Variants in CYP19A1 observed in about 807,000 individuals in gnomAD.
The protein encoded by CYP19A1 is aromatase.
In CYP19A1, 32 loss-of-function variants were observed where a neutral mutation model predicts 44.4. That is an observed-to-expected ratio of 0.72 (90% CI 0.54 to 0.97). The LOEUF (loss-of-function observed/expected upper bound fraction) is 0.97, where lower values mean the gene tolerates loss of function less well. Among genes scored for constraint, CYP19A1 ranks in the 50% least tolerant of loss-of-function variants. CYP19A1 has a pLI of 0.00. For missense variants in CYP19A1, 598 were observed against 637.8 expected (o/e 0.94, Z 0.67); for synonymous variants, 212 against 215.6 (o/e 0.98, Z 0.14).
chr15:51,261,843 G>GAAGCAGTAGTCTTC (rs1461461316), intron 1 of CYP19A1, among the ~76,000 whole-genome samples: 1 of 152,146 alleles, frequency 6.6e-6, no homozygotes, highest in Non-Finnish European at 1.5e-5. Context: ...GCCGATGGGT[G>GAAGCAGTAGTCTTC]AAGCAGTAGA....
At chr15:51,270,575 T>G (rs1341562846) in intron 1 of CYP19A1, among the ~76,000 whole-genome samples, 1 of 152,200 alleles carries the variant, frequency 6.6e-6, no homozygotes, top group Non-Finnish European at 1.5e-5. Flanking sequence ...ACCTCCCCCA[T>G]ATTTTATAGG....
chr15:51,329,895 T>A (rs2036673213), intron 1 of CYP19A1, among the ~76,000 whole-genome samples: 1 of 152,190 alleles, frequency 6.6e-6, no homozygotes, highest in African/African-American at 2.4e-5. Context: ...AATGACCAGA[T>A]ATACACCAGG....
At chr15:51,211,595 C>T (rs2030990820) in intron 9 of CYP19A1, 6 of 390,404 alleles carry the variant, frequency 1.5e-5, no homozygotes, top group South Asian at 5.5e-5. Context: ...GATCAGTTGA[C>T]TGATTTACAT....
At chr15:51,293,514 T>C (rs2470178) in intron 1 of CYP19A1, 44,395 of 152,152 alleles carry the variant, frequency 0.29, 9,679 homozygotes, top group African/African-American at 0.61. Context: ...AATTCCTTGA[T>C]GCCAAAGAAT....
intron 1 of CYP19A1, among the ~76,000 whole-genome samples, chr15:51,335,831 A>AAGGTCCC (rs1215218993): frequency 6.6e-6 from 1 of 152,190 alleles, no homozygotes; most frequent in East Asian, 1.9e-4. Flanking sequence ...CCCTACAAGG[A>AAGGTCCC]AGGTCCCACC....
At position 51,212,427 on chromosome 15, in the gene CYP19A1, A is replaced by G. The variant is rs769023130; in HGVS notation, c.1156T>C (p.Tyr386His). 1 of 1,607,662 alleles carries G rather than the reference A, an allele frequency of 6.2e-7. No homozygotes were observed. Among genetic ancestry groups the G allele is most frequent in the South Asian group, 1.1e-5 (1 of 90,950 alleles). Residue 386 changes from tyrosine (Y) to histidine (H), a missense_variant, in exon 9 of 10, where the codon TAC (tyrosine) becomes CAC (histidine). Coordinates refer to ENST00000396402, the MANE Select transcript of CYP19A1 (RefSeq NM_000103.4). The part of the protein sequence containing the change: ...KALEDDVIDG[Y>H]PVKKGTNIIL... ...ATGTTTGTCCCCTTTTTCACTGGGT[A>G]GCCATCGATTACATCATCTTCTAAG... is the stretch of plus-strand genomic sequence containing the variant.
rs2141105819 is a variant in CYP19A1 at position 51,236,848 on chromosome 15, AAC to A, written c.296+9_296+10del. 3.7e-6 allele frequency: 6 copies of A among 1,614,058 alleles called. No individual in the cohort carries two copies. The East Asian group carries it at 1.3e-4, about 36-fold the overall frequency. On this transcript the variant is annotated intron_variant, in intron 3 of 9. Coordinates refer to ENST00000396402, the MANE Select transcript of CYP19A1 (RefSeq NM_000103.4). ...TTTAAAAAGTATGTCTTCGATTATG[AAC>A]AGACTCACTTGCTGATAATGAGTGT...
chr15:51,240,366 C>T (rs1476643569), intron 2 of CYP19A1, among the ~76,000 whole-genome samples: 1 of 152,116 alleles, frequency 6.6e-6, no homozygotes, highest in Non-Finnish European at 1.5e-5. Context: ...AACTACAAAA[C>T]AGACACAAAC....
chr15:51,273,045 G>A (rs796761823), intron 1 of CYP19A1, among the ~76,000 whole-genome samples: 9 of 151,778 alleles, frequency 5.9e-5, no homozygotes, highest in African/African-American at 2.2e-4. Context: ...TGCAACCTCC[G>A]CCCTTCTGGT....
In CYP19A1 at chr15:51,212,460, G is replaced by T; in HGVS notation, c.1123C>A (p.Arg375Ser). The part of the protein sequence containing the change: ...RYQPVVDLVM[R>S]KALEDDVIDG... ...ATTACATCATCTTCTAAGGCTTTGC[G>T]CATGACCAAGTCCACGACAGGCTGG... Residue 375 changes from arginine to serine, a missense_variant, in exon 9 of 10, where the codon CGC becomes AGC. Arg to Ser is a moderately radical substitution (Grantham distance 110). Coordinates refer to ENST00000396402, the MANE Select transcript of CYP19A1 (RefSeq NM_000103.4). The T allele has an allele frequency of 1.9e-6, 3 of 1,609,412 alleles. No homozygotes were observed. Among genetic ancestry groups the T allele is most frequent in the Non-Finnish European group, 2.6e-6 (3 of 1,175,808 alleles).
rs115941479 is a variant in CYP19A1 at position 51,298,550 on chromosome 15, T to C, written c.-39+39945A>G. Among the ~76,000 whole-genome samples the C allele has an allele frequency of 3.4e-3, 523 of 152,326 alleles. 4 individuals are homozygous for C. The highest frequency in any genetic ancestry group is 0.012 in the African/African-American group (509 of 41,582). ...TACTTTCTCATCTGTAGAAATTTTC[T>C]AGGGAGGGAAAAAGCAGACTAGATG... is the stretch of plus-strand genomic sequence containing the variant. On this transcript the variant is annotated intron_variant, in intron 1 of 9. Transcript: ENST00000396402.
intron 1 of CYP19A1, among the ~76,000 whole-genome samples, chr15:51,310,277 C>A (rs1362178764): frequency 6.6e-6 from 1 of 152,048 alleles, no homozygotes; most frequent in African/African-American, 2.4e-5. Flanking sequence ...AGCTAGATTG[C>A]GAAAAGAAGT....
intron 1 of CYP19A1, among the ~76,000 whole-genome samples, chr15:51,315,368 A>G (rs1267154965): frequency 6.6e-6 from 1 of 151,976 alleles, no homozygotes; most frequent in Admixed American, 6.5e-5. Flanking sequence ...CTGTAATGAT[A>G]TCTCACCCAC....
chr15:51,308,588 C>G (rs2036255994), intron 1 of CYP19A1, among the ~76,000 whole-genome samples: 1 of 152,118 alleles, frequency 6.6e-6, no homozygotes, highest in Non-Finnish European at 1.5e-5. Context: ...AAACTCCTCC[C>G]CAGTATGGCT....
intron 1 of CYP19A1, among the ~76,000 whole-genome samples, chr15:51,294,132 CCAT>C (rs1190136396): frequency 7.3e-6 from 1 of 137,458 alleles, no homozygotes. Flanking sequence ...GCCCGGCTGC[CCAT>C]CGTCTGGGAT....
chr15:51,282,767 C>CT (rs1379016310), intron 1 of CYP19A1, among the ~76,000 whole-genome samples: 22 of 152,198 alleles, frequency 1.4e-4, no homozygotes, highest in Non-Finnish European at 2.9e-5. Flanking sequence ...GATGCATTGT[C>CT]AAAGGACACC....
chr15:51,329,669 G>A (rs192208815), intron 1 of CYP19A1, among the ~76,000 whole-genome samples: 5 of 152,366 alleles, frequency 3.3e-5, no homozygotes, highest in East Asian at 1.9e-4. Flanking sequence ...CCTCTTCAGC[G>A]AGTGAATCCT....
At chr15:51,235,040 A>G (rs978282927) in intron 3 of CYP19A1, among the ~76,000 whole-genome samples, 14 of 152,280 alleles carry the variant, frequency 9.2e-5, no homozygotes, top group African/African-American at 3.4e-4. Flanking sequence ...GTGCGGGGAA[A>G]TGAAAGAGCA....
Position 51,237,138 on chromosome 15 carries a change from G to A in CYP19A1, c.146-129C>T, listed in dbSNP as rs894730788. 2.0e-5 allele frequency: 21 copies of A among 1,050,618 alleles called. No homozygotes were observed. In the East Asian group the frequency reaches 3.2e-4, roughly 16 times the overall value. The allele number at this position is 1,050,618 out of a possible 1,614,324, so 65.1% of individuals were successfully genotyped here. Reference sequence around the variant, plus strand: ...CATGTGATGTATATCTGTGAATCACGAATAAAGTGATTTGAAACAAAACAA... The same window carrying A: ...CATGTGATGTATATCTGTGAATCACAAATAAAGTGATTTGAAACAAAACAA... On this transcript the variant is annotated intron_variant, in intron 2 of 9. Transcript: ENST00000396402.
Sources: gnomAD v4.1 joint callset for allele counts (sites outside exome capture counted in the v4.1 genomes callset) on GRCh38, gnomAD v4.1.1 for gene constraint, MANE v1.5 for transcripts, NCBI Gene and HGNC (gene_info 2026-07-23, HGNC 2026-07-21) for gene names.